MTSS2: variants seen among roughly 807,000 people sequenced by gnomAD.
MTSS2 encodes MTSS I-BAR domain containing 2, also known as protein MTSS 2.
Under a neutral mutation model 67.1 loss-of-function variants are expected in MTSS2, and 27 were observed. The ratio of observed to expected loss-of-function variants is 0.40; its 90% CI spans 0.30 to 0.55. The LOEUF is 0.55. Among genes scored for constraint, MTSS2 ranks in the 20% least tolerant of loss-of-function variants. The probability of loss-of-function intolerance (pLI) is 0.43; values close to 1 mark genes in which losing one functional copy is unlikely to be tolerated. For missense variants in MTSS2, 1,171 were observed against 1,067.8 expected (o/e 1.10, Z -1.35); for synonymous variants, 624 against 468.6 (o/e 1.33, Z -4.28).
chr16:70,667,716 T>C (rs1372477497), intron 11 of MTSS2, among the ~76,000 whole-genome samples: 1 of 151,306 alleles, frequency 6.6e-6, no homozygotes, highest in African/African-American at 2.4e-5. Context: ...CTACTAAAAA[T>C]ACAAAAATTA....
chr16:70,668,161 C>T lies in MTSS2; in HGVS notation c.1054-2621G>A, dbSNP rs35772175. Among the ~76,000 whole-genome samples, 386 of 152,016 alleles carry T rather than the reference C, an allele frequency of 2.5e-3. 2 individuals carry two copies. Among genetic ancestry groups the T allele is most frequent in the Non-Finnish European group, 3.6e-3 (248 of 67,982 alleles). ...GGTGCAGTGGCTAATGCCTATAATC[C>T]CAGCAATTTGGGAGGCTGAGGTGGG... On this transcript the variant is annotated intron_variant, in intron 11 of 14. Transcript: ENST00000338779.
chr16:70,673,353 GAC>G, intron 11 of MTSS2, among the ~76,000 whole-genome samples: 1 of 152,190 alleles, frequency 6.6e-6, no homozygotes, highest in Non-Finnish European at 1.5e-5. Flanking sequence ...AAGCATCAGT[GAC>G]TGACAGCTGA....
chr16:70,670,087 A>T (rs1307142338), intron 11 of MTSS2, among the ~76,000 whole-genome samples: 1 of 151,592 alleles, frequency 6.6e-6, no homozygotes, highest in South Asian at 2.1e-4. Context: ...CCTGGCCAAC[A>T]TGGCAAAACC....
In MTSS2 at chr16:70,664,784, G is replaced by A. The variant is rs371858817; in HGVS notation, c.1306-21C>T. 191 of 1,594,608 alleles carry A rather than the reference G, an allele frequency of 1.2e-4. No homozygotes were observed. In the African/African-American group the frequency reaches 2.0e-3, roughly 17 times the overall value. Reference sequence around the variant, plus strand: ...CCGTGCTGAGGGTGGGAAAGTGCAGGCTGAAGCCTTGCGCCCCCAATCCCC... The same window carrying A: ...CCGTGCTGAGGGTGGGAAAGTGCAGACTGAAGCCTTGCGCCCCCAATCCCC... On this transcript the variant is annotated intron_variant, in intron 13 of 14. Coordinates refer to ENST00000338779, the MANE Select transcript of MTSS2 (RefSeq NM_138383.3).
At chr16:70,680,918 G>GCGCCC in intron 2 of MTSS2, 46 bp downstream of exon 2, 1 of 1,097,920 alleles carries the variant, frequency 9.1e-7, no homozygotes, top group Non-Finnish European at 1.3e-6. Context: ...CGGGGGGGGG[G>GCGCCC]CCTCTGCCTG....
At chr16:70,666,336 A>C (rs1387109347) in intron 11 of MTSS2, among the ~76,000 whole-genome samples, 1 of 152,172 alleles carries the variant, frequency 6.6e-6, no homozygotes, top group Non-Finnish European at 1.5e-5. Flanking sequence ...TGAAAGGGAC[A>C]CACCTGCTCT....
intron 8 of MTSS2, 104 bp downstream of exon 8, chr16:70,678,148 T>G: frequency 2.1e-6 from 3 of 1,412,360 alleles, no homozygotes; most frequent in Non-Finnish European, 2.9e-6. Context: ...GTGGCCTTGA[T>G]GCCCCCAGCC....
Position 70,664,165 on chromosome 16 carries a change from T to C in MTSS2, c.1756A>G (p.Ile586Val), listed in dbSNP as rs1312162435. Reference protein sequence around the residue: ...RALSSAGPIPIRPPIVPVKTP... With the variant: ...RALSSAGPIPVRPPIVPVKTP... ...TTCACAGGGACGATGGGCGGCCGGA[T>C]GGGGATGGGGCCAGCGCTGGACAGG... is the stretch of plus-strand genomic sequence containing the variant. Residue 586 changes from isoleucine to valine, a missense_variant, in exon 15 of 15, where the codon ATC becomes GTC. Ile to Val is a conservative substitution (Grantham distance 29). Transcript: ENST00000338779. The C allele has an allele frequency of 3.7e-6, 6 of 1,606,008 alleles. No individual in the cohort carries two copies. The African/African-American group carries it at 4.0e-5, about 11-fold the overall frequency.
Position 70,664,611 on chromosome 16 carries a change from G to T in MTSS2, c.1458C>A (p.Thr486=). Residue 486 remains threonine, a synonymous_variant, in exon 14 of 15, where the codon ACC becomes ACA. Transcript: ENST00000338779. ...CCGCGGGCCTGCCTTGGGAGGGGATGGTGTCCTCAGAGCAGGAGGGCGTGG... is the reference window on the plus strand; with the variant it reads ...CCGCGGGCCTGCCTTGGGAGGGGATTGTGTCCTCAGAGCAGGAGGGCGTGG... The part of the protein sequence containing the change: ...QTTTPSCSED[T]IPSQGSDYDC... 6.2e-7 allele frequency: 1 copy of T among 1,612,650 alleles called. No individual in the cohort carries two copies. Among genetic ancestry groups the T allele is most frequent in the Non-Finnish European group, 8.5e-7 (1 of 1,179,580 alleles).
intron 11 of MTSS2, among the ~76,000 whole-genome samples, chr16:70,670,030 G>T (rs1323114940): frequency 6.6e-6 from 1 of 152,082 alleles, no homozygotes; most frequent in Non-Finnish European, 1.5e-5. Flanking sequence ...CAGTACTTTG[G>T]GAGGCTGAGG....
In MTSS2 at chr16:70,661,540, A is replaced by C. The variant is rs2052470224; in HGVS notation, c.*2137T>G. The C allele has an allele frequency of 5.7e-6, 2 of 350,042 alleles. No homozygotes were observed. The highest frequency in any genetic ancestry group is 1.1e-5 in the Non-Finnish European group (2 of 177,854). The allele number at this position is 350,042 out of a possible 1,614,324, so 21.7% of individuals were successfully genotyped here. A position where few individuals can be genotyped will look rare whatever the true frequency, so the allele number is the denominator to read the frequency against. ...CCGTACAAAATGAGAAATTAAACGAACGTAAAGTCCCCCAAACCAAAGTTT... is the reference window on the plus strand; with the variant it reads ...CCGTACAAAATGAGAAATTAAACGACCGTAAAGTCCCCCAAACCAAAGTTT... On this transcript the variant is annotated 3_prime_UTR_variant, in exon 15 of 15. Coordinates refer to ENST00000338779, the MANE Select transcript of MTSS2 (RefSeq NM_138383.3).
Position 70,661,632 on chromosome 16 carries a change from C to T in MTSS2, c.*2045G>A, listed in dbSNP as rs1251714559. The stretch of plus-strand genomic sequence containing the variant: ...CTATGAGGTGGTTGCTAAGTCGACG[C>T]AAGGGCGGCGGGGGTGGTCTCAGGG... On this transcript the variant is annotated 3_prime_UTR_variant, in exon 15 of 15. Coordinates refer to ENST00000338779, the MANE Select transcript of MTSS2 (RefSeq NM_138383.3). The T allele has an allele frequency of 3.0e-6, 1 of 335,710 alleles. No individual in the cohort carries two copies. Among genetic ancestry groups the T allele is most frequent in the Non-Finnish European group, 5.8e-6 (1 of 172,510 alleles). The allele number at this position is 335,710 out of a possible 1,614,324, so 20.8% of individuals were successfully genotyped here.
chr16:70,675,945 G>C (rs545961982), intron 10 of MTSS2, among the ~76,000 whole-genome samples: 1 of 152,186 alleles, frequency 6.6e-6, no homozygotes, highest in South Asian at 2.1e-4. Flanking sequence ...CTGGCTAAGC[G>C]TGACCCTGAA....
intron 11 of MTSS2, 35 bp from the exon 12 acceptor site, chr16:70,665,575 G>C (rs774740813): frequency 2.6e-6 from 4 of 1,529,332 alleles, no homozygotes; most frequent in East Asian, 2.5e-5. Context: ...GTTGCAGACA[G>C]AGGGGCCGGC....
Position 70,661,232 on chromosome 16 carries a change from C to T in MTSS2, c.*2445G>A, listed in dbSNP as rs1370102648. 1 of 455,446 alleles carries T rather than the reference C, an allele frequency of 2.2e-6. No homozygotes were observed. The highest frequency in any genetic ancestry group is 2.4e-5 in the Admixed American group (1 of 42,450). The allele number at this position is 455,446 out of a possible 1,614,324, so 28.2% of individuals were successfully genotyped here. A position where few individuals can be genotyped will look rare whatever the true frequency, so the allele number is the denominator to read the frequency against. ...TAATTACAGTACACCTTTATTAATA[C>T]TGGAATCTTCACAGTGCATCTGTTA... is the stretch of plus-strand genomic sequence containing the variant. On this transcript the variant is annotated 3_prime_UTR_variant, in exon 15 of 15. Coordinates refer to ENST00000338779, the MANE Select transcript of MTSS2 (RefSeq NM_138383.3).
intron 9 of MTSS2, among the ~76,000 whole-genome samples, chr16:70,677,183 C>CACTG (rs1341145431): frequency 6.6e-6 from 1 of 152,180 alleles, no homozygotes; most frequent in Admixed American, 6.5e-5. Flanking sequence ...AGCTAACATG[C>CACTG]ACTGAGTAGA....
chr16:70,674,310 CTGG>C lies in MTSS2; in HGVS notation c.1046_1048del (p.Thr349del). The C allele has an allele frequency of 1.2e-6, 2 of 1,613,160 alleles. No homozygotes were observed. The highest frequency in any genetic ancestry group is 1.7e-6 in the Non-Finnish European group (2 of 1,179,740). Reference sequence around the variant, plus strand: ...ATCCTCCTAACGCCCCCTCACCTGGCTGGTGATGTCTGAAGGCATAGGCGAGGG... The same window carrying C: ...ATCCTCCTAACGCCCCCTCACCTGGCTGATGTCTGAAGGCATAGGCGAGGG... On this transcript the variant is annotated inframe_deletion, in exon 11 of 15. Coordinates refer to ENST00000338779, the MANE Select transcript of MTSS2 (RefSeq NM_138383.3).
rs753791624 is a variant in MTSS2, at chr16:70,664,465, A to C, written c.1472-16T>G. On this transcript the variant is annotated splice_polypyrimidine_tract_variant and intron_variant, in intron 14 of 14. Transcript: ENST00000338779. The stretch of plus-strand genomic sequence containing the variant: ...TAGTCGGAGCCTGGGGGCACGGGAC[A>C]CAGTGAGGCCCAGGGCCCAGGTGGC... 6.5e-7 allele frequency: 1 copy of C among 1,538,544 alleles called. No individual in the cohort carries two copies. Among genetic ancestry groups the C allele is most frequent in the South Asian group, 1.3e-5 (1 of 78,944 alleles).
rs778337546 is a variant in MTSS2, at chr16:70,665,409, G to A, written c.1128+57C>T. On this transcript the variant is annotated intron_variant, in intron 12 of 14. Transcript: ENST00000338779. ...TGCAGTAATGGCACCAGGTGGGGAG[G>A]GCATGGATGGGAGGGGCAGCTGGTG... 1.4e-5 allele frequency: 21 copies of A among 1,494,254 alleles called. No individual in the cohort carries two copies. The Admixed American group carries it at 2.6e-4, about 18-fold the overall frequency. The allele number at this position is 1,494,254 out of a possible 1,614,324, so 92.6% of individuals were successfully genotyped here.
Sources: gnomAD v4.1 joint callset for allele counts (sites outside exome capture counted in the v4.1 genomes callset) on GRCh38, gnomAD v4.1.1 for gene constraint, MANE v1.5 for transcripts, NCBI Gene and HGNC (gene_info 2026-07-23, HGNC 2026-07-21) for gene names.